Variants in SNTG1 observed in about 807,000 individuals in gnomAD.
The protein encoded by SNTG1 is gamma-1-syntrophin.
A neutral mutation model predicts 74.7 loss-of-function variants in SNTG1; 39 were observed. The ratio of observed to expected loss-of-function variants is 0.52; its 90% CI spans 0.40 to 0.68. The LOEUF (loss-of-function observed/expected upper bound fraction) is 0.68, where lower values mean the gene tolerates loss of function less well. SNTG1 is among the 30% of genes least tolerant of loss of function. The pLI is 0.00. For synonymous variants in SNTG1, 254 were observed against 217.1 expected, an observed-to-expected ratio of 1.17 and a Z score of -1.49; for missense variants, 685 against 609.5, an observed-to-expected ratio of 1.12 and a Z score of -1.30.
chr8:50,611,032 A>G (rs1395118357), intron 13 of SNTG1, among the ~76,000 whole-genome samples: 1 of 152,218 alleles, frequency 6.6e-6, no homozygotes, highest in Non-Finnish European at 1.5e-5. Context: ...CTGTTTAAAA[A>G]TGCATGGAAC....
intron 13 of SNTG1, among the ~76,000 whole-genome samples, chr8:50,636,510 C>T (rs559786882): frequency 4.2e-4 from 64 of 152,166 alleles, no homozygotes; most frequent in Non-Finnish European, 6.6e-4. Flanking sequence ...ATGCTTCCTC[C>T]GTGGGCATCA....
chr8:49,969,125 T>C (rs772756183), intron 1 of SNTG1, among the ~76,000 whole-genome samples: 4 of 152,216 alleles, frequency 2.6e-5, no homozygotes, highest in Non-Finnish European at 5.9e-5. Context: ...TGGTGGCTTG[T>C]ATGTGTGCTG....
chr8:50,128,716 CTTAAG>C (rs1314005785), intron 1 of SNTG1, among the ~76,000 whole-genome samples: 1 of 151,934 alleles, frequency 6.6e-6, no homozygotes, highest in Admixed American at 6.6e-5. Flanking sequence ...AGTAAGTTAA[CTTAAG>C]TTCTTACCCC....
At chr8:50,729,543 TG>T (rs112111171) in intron 17 of SNTG1, among the ~76,000 whole-genome samples, 1,783 of 152,256 alleles carry the variant, frequency 0.012, 34 homozygotes, top group African/African-American at 0.041. Context: ...CCTCCAGTGA[TG>T]GGGGTCTCTT....
intron 9 of SNTG1, among the ~76,000 whole-genome samples, chr8:50,519,194 T>C (rs1346260275): frequency 6.6e-6 from 1 of 151,984 alleles, no homozygotes; most frequent in Non-Finnish European, 1.5e-5. Context: ...ACAGAACCAA[T>C]GACAAAAACC....
intron 18 of SNTG1, among the ~76,000 whole-genome samples, chr8:50,781,787 T>C (rs999055349): frequency 2.0e-5 from 3 of 152,194 alleles, no homozygotes; most frequent in Admixed American, 6.5e-5. Context: ...TTGATGCAGT[T>C]TCTTCCTAGC....
chr8:49,937,827 A>G (rs774909108), intron 1 of SNTG1, among the ~76,000 whole-genome samples: 3 of 152,142 alleles, frequency 2.0e-5, no homozygotes, highest in Non-Finnish European at 4.4e-5. Context: ...GGAGGCAGAC[A>G]GTTTTCTTTT....
intron 1 of SNTG1, among the ~76,000 whole-genome samples, chr8:49,914,526 T>C (rs1307898580): frequency 6.6e-6 from 1 of 152,138 alleles, no homozygotes; most frequent in Non-Finnish European, 1.5e-5. Context: ...TCCATTCAAT[T>C]GCCTTCTTCC....
At chr8:50,699,717 CTATTCTTTCTACTGGGG>C (rs2095417159) in intron 15 of SNTG1, among the ~76,000 whole-genome samples, 1 of 152,022 alleles carries the variant, frequency 6.6e-6, no homozygotes, top group East Asian at 1.9e-4. Context: ...ATTCTGGAGG[CTATTCTTTCTACTGGGG>C]CATAAGTCAA....
rs561060530 is a variant in SNTG1 at position 50,417,256 on chromosome 8, T to A, written c.162+14912T>A. 3.0e-4 allele frequency among the ~76,000 whole-genome samples: 45 copies of A among 152,232 alleles called. 1 individual carries two copies. The highest frequency in any genetic ancestry group is 1.0e-3 in the African/African-American group (42 of 41,556). On this transcript the variant is annotated intron_variant, in intron 4 of 18. Coordinates refer to ENST00000642720, the MANE Select transcript of SNTG1 (RefSeq NM_018967.5). ...AGGAGCATATGCAGAATTTTGACAC[T>A]CCTTGAATTTTCTACTAGTTATGAA...
intron 1 of SNTG1, among the ~76,000 whole-genome samples, chr8:49,932,989 A>ATT (rs3055011): frequency 2.5e-4 from 38 of 152,078 alleles, no homozygotes; most frequent in East Asian, 2.3e-3. Context: ...CCATTGTATG[A>ATT]TTTTTTTACC....
chr8:50,027,308 T>G (rs1321655267), intron 1 of SNTG1, among the ~76,000 whole-genome samples: 5 of 152,168 alleles, frequency 3.3e-5, no homozygotes, highest in Non-Finnish European at 7.4e-5. Flanking sequence ...TCTCATCAGC[T>G]GGTAACCAGG....
chr8:50,308,337 TTCTCTGCTTC>T (rs909375709), intron 2 of SNTG1, among the ~76,000 whole-genome samples: 7 of 152,062 alleles, frequency 4.6e-5, no homozygotes, highest in African/African-American at 1.7e-4. Context: ...CGTGAGAGGC[TTCTCTGCTTC>T]TCTCTGCTTC....
intron 2 of SNTG1, among the ~76,000 whole-genome samples, chr8:50,289,389 T>C (rs1292093277): frequency 1.3e-5 from 2 of 152,218 alleles, no homozygotes; most frequent in Non-Finnish European, 2.9e-5. Context: ...GATTCTTTTG[T>C]AGCACAATCA....
intron 1 of SNTG1, among the ~76,000 whole-genome samples, chr8:50,007,221 T>C (rs1470854143): frequency 6.6e-6 from 1 of 152,120 alleles, no homozygotes; most frequent in Non-Finnish European, 1.5e-5. Context: ...CAGGAAATGT[T>C]AGGCTTGGAT....
chr8:50,344,337 G>A (rs1427886555), intron 2 of SNTG1, among the ~76,000 whole-genome samples: 2 of 152,192 alleles, frequency 1.3e-5, no homozygotes, highest in East Asian at 3.9e-4. Context: ...TCCAGCTGGA[G>A]CAAGGCTCAT....
rs2093579634 is a variant in SNTG1, at chr8:50,462,967, C to T, written c.363+12238C>T. ...AAGTAGCTCGGACTACAGGTGTGCA[C>T]CACCACACCCAGCTAATTTTTGTAT... On this transcript the variant is annotated intron_variant, in intron 8 of 18. Transcript: ENST00000642720. 2.0e-5 allele frequency among the ~76,000 whole-genome samples: 3 copies of T among 151,918 alleles called. No individual in the cohort carries two copies. In the South Asian group the frequency reaches 6.2e-4, roughly 32 times the overall value.
At chr8:50,484,303 C>A (rs2093771255) in intron 8 of SNTG1, among the ~76,000 whole-genome samples, 1 of 151,232 alleles carries the variant, frequency 6.6e-6, no homozygotes, top group South Asian at 2.1e-4. Context: ...GTAACCTCCA[C>A]CTCCCAGGTT....
chr8:50,209,969 A>C (rs2084434698), intron 2 of SNTG1, among the ~76,000 whole-genome samples: 1 of 152,200 alleles, frequency 6.6e-6, no homozygotes, highest in South Asian at 2.1e-4. Context: ...CAAAGAAGCT[A>C]AAAACCTTGA....
Sources: gnomAD v4.1 joint callset for allele counts (sites outside exome capture counted in the v4.1 genomes callset) on GRCh38, gnomAD v4.1.1 for gene constraint, MANE v1.5 for transcripts, NCBI Gene and HGNC (gene_info 2026-07-23, HGNC 2026-07-21) for gene names.